The following ATG10 variants were observed in gnomAD, a reference collection of about 807,000 sequenced individuals.
The protein encoded by ATG10 is ubiquitin-like-conjugating enzyme ATG10.
A neutral mutation model predicts 32.1 loss-of-function variants in ATG10; 30 were observed. The ratio of observed to expected loss-of-function variants is 0.94; its 90% CI spans 0.70 to 1.27. ATG10 has a LOEUF of 1.27. ATG10 is among the 50% of genes most tolerant of loss of function. The pLI is 0.00. For missense variants in ATG10, 233 were observed against 262.3 expected (o/e 0.89, Z 0.77); for synonymous variants, 87 against 91.5 (o/e 0.95, Z 0.28).
At chr5:82,183,414 T>C (rs1744308701) in intron 5 of ATG10, among the ~76,000 whole-genome samples, 1 of 152,048 alleles carries the variant, frequency 6.6e-6, no homozygotes, top group Non-Finnish European at 1.5e-5. Context: ...TCTAATTGTA[T>C]TTCTGTGGTG....
intron 4 of ATG10, among the ~76,000 whole-genome samples, chr5:82,165,939 C>T (rs114802738): frequency 0.012 from 1,807 of 152,226 alleles, 14 homozygotes; most frequent in Non-Finnish European, 0.02. Context: ...TTAGTATTCA[C>T]CATAAGCAGT....
At chr5:82,218,184 G>A (rs905590505) in intron 5 of ATG10, among the ~76,000 whole-genome samples, 4 of 152,004 alleles carry the variant, frequency 2.6e-5, no homozygotes, top group African/African-American at 7.2e-5. Flanking sequence ...ATTTTGGCTA[G>A]ACTCTGACTC....
intron 3 of ATG10, among the ~76,000 whole-genome samples, chr5:82,127,217 A>C (rs138569185): frequency 0.011 from 1,680 of 151,178 alleles, 22 homozygotes; most frequent in Non-Finnish European, 0.014. Flanking sequence ...TTTTGTTAAT[A>C]TTTTCAGAAA....
intron 2 of ATG10, among the ~76,000 whole-genome samples, chr5:81,994,611 T>C (rs1761607184): frequency 6.6e-6 from 1 of 152,234 alleles, no homozygotes; most frequent in Non-Finnish European, 1.5e-5. Flanking sequence ...TCTCTGCTTA[T>C]ATAAGTTGTT....
chr5:82,212,605 A>T (rs1191824655), intron 5 of ATG10, among the ~76,000 whole-genome samples: 1 of 152,266 alleles, frequency 6.6e-6, no homozygotes, highest in Non-Finnish European at 1.5e-5. Flanking sequence ...TGGCAAAGAT[A>T]TAAAAGTTTG....
intron 3 of ATG10, among the ~76,000 whole-genome samples, chr5:82,091,282 C>T (rs573719770): frequency 4.1e-4 from 63 of 152,194 alleles, no homozygotes; most frequent in Non-Finnish European, 7.1e-4. Flanking sequence ...GTTGTCCAGG[C>T]TGGACTCCAA....
At chr5:82,122,241 C>G (rs568074030) in intron 3 of ATG10, among the ~76,000 whole-genome samples, 2 of 151,938 alleles carry the variant, frequency 1.3e-5, no homozygotes, top group South Asian at 2.1e-4. Flanking sequence ...TTTGACAAAG[C>G]TGACAAAAAC....
intron 5 of ATG10, among the ~76,000 whole-genome samples, chr5:82,189,108 G>A (rs1744563120): frequency 6.6e-6 from 1 of 152,024 alleles, no homozygotes; most frequent in South Asian, 2.1e-4. Flanking sequence ...ACTTCCCTTA[G>A]TCCAATCTGA....
chr5:82,005,226 A>G (rs1399699060), intron 2 of ATG10, among the ~76,000 whole-genome samples: 2 of 152,174 alleles, frequency 1.3e-5, no homozygotes, highest in East Asian at 1.9e-4. Flanking sequence ...TATGTTACAT[A>G]TATGCTTCCT....
chr5:82,075,952 A>ACAACAACAAAACAACAG (rs1343592258), intron 3 of ATG10, among the ~76,000 whole-genome samples: 6 of 152,136 alleles, frequency 3.9e-5, no homozygotes, highest in African/African-American at 1.4e-4. Flanking sequence ...AACAACAACA[A>ACAACAACAAAACAACAG]CAACAACAAA....
chr5:82,084,144 GATGGACCTGAAAACC>G (rs1764583490), intron 3 of ATG10, among the ~76,000 whole-genome samples: 1 of 152,190 alleles, frequency 6.6e-6, no homozygotes, highest in African/African-American at 2.4e-5. Context: ...TAAATGACCT[GATGGACCTGAAAACC>G]ATGGCACGAG....
chr5:82,121,549 AG>A (rs1766039212), intron 3 of ATG10, among the ~76,000 whole-genome samples: 1 of 152,156 alleles, frequency 6.6e-6, no homozygotes, highest in Non-Finnish European at 1.5e-5. Context: ...GGTTTTCAAG[AG>A]GAATGATTCC....
chr5:82,224,100 A>G (rs1746029285), intron 5 of ATG10, among the ~76,000 whole-genome samples: 1 of 152,122 alleles, frequency 6.6e-6, no homozygotes, highest in African/African-American at 2.4e-5. Flanking sequence ...GAATAGTAGA[A>G]CCTTTGTTGT....
chr5:82,130,816 T>C (rs1386757257), intron 3 of ATG10, among the ~76,000 whole-genome samples: 3 of 152,066 alleles, frequency 2.0e-5, no homozygotes, highest in African/African-American at 7.2e-5. Context: ...ACCCAAAATA[T>C]CTTTATCTTT....
In ATG10 at chr5:82,098,724, G is replaced by C. The variant is rs76907708; in HGVS notation, c.216+40122G>C. ...AAATGGGACTGGTAAAGAATTTTCA[G>C]GTCATTCAGAATTGACTAAGATTTG... On this transcript the variant is annotated intron_variant, in intron 3 of 7. Coordinates refer to ENST00000282185, the MANE Select transcript of ATG10 (RefSeq NM_031482.5). 8.5e-3 allele frequency among the ~76,000 whole-genome samples: 1,300 copies of C among 152,268 alleles called. 20 individuals carry two copies. Among genetic ancestry groups the C allele is most frequent in the African/African-American group, 0.03 (1,238 of 41,566 alleles).
intron 5 of ATG10, among the ~76,000 whole-genome samples, chr5:82,215,504 G>A (rs1745642139): frequency 6.6e-6 from 1 of 152,052 alleles, no homozygotes; most frequent in Non-Finnish European, 1.5e-5. Context: ...GATATTCTCA[G>A]AAAGAAAAAA....
chr5:82,126,160 G>A (rs574743691), intron 3 of ATG10, among the ~76,000 whole-genome samples: 10 of 100,162 alleles, frequency 1.0e-4, no homozygotes, highest in African/African-American at 4.0e-4. Context: ...TTGCTTATCA[G>A]CTGAAGGAGT....
chr5:82,241,500 T>A (rs1305844075), intron 5 of ATG10, among the ~76,000 whole-genome samples: 1 of 152,168 alleles, frequency 6.6e-6, no homozygotes, highest in African/African-American at 2.4e-5. Context: ...GCGTCTTGGC[T>A]AGCTCTCTGG....
intron 5 of ATG10, 75 bp downstream of exon 5, chr5:82,178,662 C>T: frequency 2.1e-6 from 2 of 947,360 alleles, no homozygotes; most frequent in Non-Finnish European, 3.4e-6. Context: ...CTGCTAGTTC[C>T]CTCTCCAACT....
Sources: gnomAD v4.1 joint callset for allele counts (sites outside exome capture counted in the v4.1 genomes callset) on GRCh38, gnomAD v4.1.1 for gene constraint, MANE v1.5 for transcripts, NCBI Gene and HGNC (gene_info 2026-07-23, HGNC 2026-07-21) for gene names.